Variants in ANKS1B observed in about 807,000 individuals in gnomAD.
ANKS1B encodes the protein ankyrin repeat and sterile alpha motif domain-containing protein 1B.
Under a neutral mutation model 148.3 loss-of-function variants are expected in ANKS1B, and 36 were observed. The ratio of observed to expected loss-of-function variants is 0.24; its 90% confidence interval spans 0.19 to 0.32. ANKS1B has a LOEUF of 0.32. Ranked by LOEUF, ANKS1B falls within the 10% of genes least tolerant of loss-of-function variation. The pLI is 1.00. For synonymous variants in ANKS1B, 542 were observed against 560.8 expected, an observed-to-expected ratio of 0.97 and a Z score of 0.47; for missense variants, 1,157 against 1,542.6, an observed-to-expected ratio of 0.75 and a Z score of 4.19.
At chr12:99,129,461 A>C (rs936634839) in intron 15 of ANKS1B, among the ~76,000 whole-genome samples, 3 of 152,238 alleles carry the variant, frequency 2.0e-5, no homozygotes, top group Admixed American at 6.5e-5. Context: ...CTAGATCAGC[A>C]GCAAGAGTTA....
chr12:99,111,038 G>A (rs1312188992), intron 15 of ANKS1B, among the ~76,000 whole-genome samples: 6 of 152,104 alleles, frequency 3.9e-5, no homozygotes, highest in Admixed American at 1.3e-4. Flanking sequence ...CTATCTGCCC[G>A]CACATCTGTG....
intron 11 of ANKS1B, among the ~76,000 whole-genome samples, chr12:99,433,121 C>A (rs1041417551): frequency 2.6e-5 from 4 of 152,094 alleles, no homozygotes; most frequent in African/African-American, 7.2e-5. Context: ...TGACAGATGA[C>A]AGATGGTAAG....
chr12:99,465,489 C>T (rs1204792151), intron 10 of ANKS1B, among the ~76,000 whole-genome samples: 7 of 152,108 alleles, frequency 4.6e-5, no homozygotes, highest in African/African-American at 1.7e-4. Context: ...TTAAAAGACA[C>T]AGACTGGCAA....
At chr12:99,296,718 C>T (rs1329203038) in intron 12 of ANKS1B, among the ~76,000 whole-genome samples, 1 of 152,104 alleles carries the variant, frequency 6.6e-6, no homozygotes, top group Non-Finnish European at 1.5e-5. Context: ...AGAGACCTTG[C>T]TTGTCTTATT....
chr12:99,474,191 C>T (rs2096282003), intron 10 of ANKS1B, among the ~76,000 whole-genome samples: 1 of 151,996 alleles, frequency 6.6e-6, no homozygotes, highest in Non-Finnish European at 1.5e-5. Flanking sequence ...CTCTCCTTGT[C>T]CATTTTCGTA....
At chr12:99,368,549 T>C (rs1233357557) in intron 12 of ANKS1B, among the ~76,000 whole-genome samples, 1 of 152,006 alleles carries the variant, frequency 6.6e-6, no homozygotes, top group Non-Finnish European at 1.5e-5. Flanking sequence ...TAGAAACTTA[T>C]AATATTAAAA....
intron 11 of ANKS1B, 79 bp downstream of exon 11, chr12:99,443,594 T>C: frequency 4.2e-6 from 6 of 1,445,178 alleles, no homozygotes; most frequent in Non-Finnish European, 5.7e-6. Flanking sequence ...AGTCCAGGCA[T>C]TGCAATATAA....
In ANKS1B at chr12:99,018,709, C is replaced by A. The variant is rs148086847; in HGVS notation, c.2778+34448G>T. Among the ~76,000 whole-genome samples, 172 of 152,128 alleles carry A rather than the reference C, an allele frequency of 1.1e-3. 1 individual carries two copies. The highest frequency in any genetic ancestry group is 3.9e-3 in the African/African-American group (163 of 41,484). Reference sequence around the variant, plus strand: ...CTGTAATCCCAGCACTTTGGGAGGCCAAGACAGGCAGAGCACCTGAGGTCA... The same window carrying A: ...CTGTAATCCCAGCACTTTGGGAGGCAAAGACAGGCAGAGCACCTGAGGTCA... On this transcript the variant is annotated intron_variant, in intron 17 of 26. Coordinates refer to ENST00000683438, the MANE Select transcript of ANKS1B (RefSeq NM_001352186.2).
intron 12 of ANKS1B, among the ~76,000 whole-genome samples, chr12:99,345,856 C>T (rs912031887): frequency 1.1e-4 from 16 of 151,960 alleles, no homozygotes; most frequent in Admixed American, 4.6e-4. Flanking sequence ...AAAAAAAATG[C>T]TCTTTGTAAA....
chr12:99,113,927 T>C (rs748158234), intron 15 of ANKS1B, among the ~76,000 whole-genome samples: 1 of 152,234 alleles, frequency 6.6e-6, no homozygotes, highest in Non-Finnish European at 1.5e-5. Context: ...GTTATACCTA[T>C]AGTCATTCCT....
At chr12:99,832,963 T>A (rs1366771105) in intron 1 of ANKS1B, among the ~76,000 whole-genome samples, 1 of 152,202 alleles carries the variant, frequency 6.6e-6, no homozygotes, top group African/African-American at 2.4e-5. Flanking sequence ...ATATTGTGTG[T>A]GTCTGGAGCA....
At chr12:99,814,992 T>C (rs2068916928) in intron 2 of ANKS1B, among the ~76,000 whole-genome samples, 1 of 151,762 alleles carries the variant, frequency 6.6e-6, no homozygotes, top group Non-Finnish European at 1.5e-5. Flanking sequence ...TCCAAGTTAC[T>C]GTCAAAGACA....
intron 14 of ANKS1B, among the ~76,000 whole-genome samples, chr12:99,217,638 C>T (rs1419146149): frequency 6.6e-6 from 1 of 152,106 alleles, no homozygotes; most frequent in South Asian, 2.1e-4. Context: ...GGTCCCTTTT[C>T]TCAATCTCTT....
At chr12:99,483,090 G>T (rs192664699) in intron 10 of ANKS1B, among the ~76,000 whole-genome samples, 4 of 150,290 alleles carry the variant, frequency 2.7e-5, no homozygotes, top group African/African-American at 9.8e-5. Context: ...TCGGTGGGGG[G>T]AATGCTTTCA....
At chr12:99,539,757 C>G (rs1229071373) in intron 9 of ANKS1B, among the ~76,000 whole-genome samples, 3 of 152,020 alleles carry the variant, frequency 2.0e-5, no homozygotes, top group Non-Finnish European at 4.4e-5. Flanking sequence ...TTCTTATAGA[C>G]AGGGCCTTGC....
intron 15 of ANKS1B, among the ~76,000 whole-genome samples, chr12:99,137,250 C>A (rs184116655): frequency 6.6e-6 from 1 of 152,172 alleles, no homozygotes. Flanking sequence ...CGCTTTCTAA[C>A]AGGATCTTTG....
chr12:99,508,000 G>A (rs916273377), intron 9 of ANKS1B, among the ~76,000 whole-genome samples: 7 of 151,716 alleles, frequency 4.6e-5, no homozygotes, highest in Non-Finnish European at 8.8e-5. Flanking sequence ...TGCTTGGACT[G>A]TGTTAAATTT....
intron 25 of ANKS1B, among the ~76,000 whole-genome samples, chr12:98,756,556 CAAAAAA>C (rs536086383): frequency 9.6e-6 from 1 of 104,562 alleles, no homozygotes; most frequent in African/African-American, 3.4e-5. Context: ...ACTAAAAATA[CAAAAAA>C]AAAAAAAAAA....
At chr12:99,212,391 A>G (rs2083469879) in intron 14 of ANKS1B, among the ~76,000 whole-genome samples, 1 of 151,560 alleles carries the variant, frequency 6.6e-6, no homozygotes, top group South Asian at 2.1e-4. Context: ...TCAAAAGCCT[A>G]GCTAGGCATC....
Sources: gnomAD v4.1 joint callset for allele counts (sites outside exome capture counted in the v4.1 genomes callset) on GRCh38, gnomAD v4.1.1 for gene constraint, MANE v1.5 for transcripts, NCBI Gene and HGNC (gene_info 2026-07-23, HGNC 2026-07-21) for gene names.